Variants in DOCK10 observed in about 807,000 individuals in gnomAD.
DOCK10 encodes the protein dedicator of cytokinesis protein 10.
A neutral mutation model predicts 280.1 loss-of-function variants in DOCK10; 145 were observed. The ratio of observed to expected loss-of-function variants is 0.52; its 90% CI spans 0.45 to 0.59. The LOEUF (loss-of-function observed/expected upper bound fraction) is 0.59, where lower values mean the gene tolerates loss of function less well. DOCK10 is among the 20% of genes least tolerant of loss of function. The pLI is 0.00. For missense variants in DOCK10, 2,368 were observed against 2,651.7 expected, an observed-to-expected ratio of 0.89 and a Z score of 2.35; for synonymous variants, 915 against 942.2, an observed-to-expected ratio of 0.97 and a Z score of 0.53.
chr2:224,969,034 C>T (rs1704932113), intron 1 of DOCK10, among the ~76,000 whole-genome samples: 2 of 152,210 alleles, frequency 1.3e-5, no homozygotes, highest in Admixed American at 1.3e-4. Context: ...GGCACAGTGT[C>T]TTCTGCGGAA....
At chr2:225,024,003 C>T (rs762375517) in intron 1 of DOCK10, among the ~76,000 whole-genome samples, 12 of 152,166 alleles carry the variant, frequency 7.9e-5, no homozygotes, top group Non-Finnish European at 1.3e-4. Flanking sequence ...CCTCCTGATC[C>T]GATGTACTAA....
At chr2:224,908,192 G>GTGTGTC (rs1242417514) in intron 3 of DOCK10, among the ~76,000 whole-genome samples, 2 of 151,658 alleles carry the variant, frequency 1.3e-5, no homozygotes, top group East Asian at 3.9e-4. Context: ...GTATGTGTGT[G>GTGTGTC]TGTGTGTGTG....
chr2:224,774,034 C>A (rs1480162336), intron 52 of DOCK10, among the ~76,000 whole-genome samples: 1 of 152,094 alleles, frequency 6.6e-6, no homozygotes, highest in Non-Finnish European at 1.5e-5. Context: ...AAATATATAC[C>A]AAGTAGTATA....
chr2:224,790,169 G>A lies in DOCK10; in HGVS notation c.5312-999C>T, dbSNP rs567449494. 3.9e-5 allele frequency among the ~76,000 whole-genome samples: 6 copies of A among 152,352 alleles called. No homozygotes were observed. In the East Asian group the frequency reaches 9.6e-4, roughly 24 times the overall value. ...TAGGCACCAAGATTTTAAAAGGTCT[G>A]TCTCTACAGATACATGTGAAAACAG... On this transcript the variant is annotated intron_variant, in intron 47 of 55. Transcript: ENST00000258390.
At chr2:224,796,239 AT>A in intron 44 of DOCK10, 76 bp downstream of exon 44, 1 of 929,084 alleles carries the variant, frequency 1.1e-6, no homozygotes, top group Non-Finnish European at 1.7e-6. Flanking sequence ...TATTTTTATG[AT>A]TTTGATATCT....
At chr2:224,772,145 T>C (rs1223481418) in intron 53 of DOCK10, among the ~76,000 whole-genome samples, 1 of 152,058 alleles carries the variant, frequency 6.6e-6, no homozygotes, top group African/African-American at 2.4e-5. Context: ...GGTCTCGAAC[T>C]CTTGACTTCA....
Position 224,876,219 on chromosome 2 carries a change from A to T in DOCK10, c.750T>A (p.Asn250Lys). Residue 250 changes from asparagine to lysine, a missense_variant and splice_region_variant, in exon 8 of 56, where the codon AAT becomes AAA. Physicochemically the swap from Asn to Lys is moderately conservative, Grantham distance 94. This residue lies in a region of DOCK10 where 1,209 missense variants were observed against 1,250.9 expected (regional missense o/e 0.97). Coordinates refer to ENST00000258390, the MANE Select transcript of DOCK10 (RefSeq NM_014689.3). ...FLDSCTGVVQ[N>K]NRLRKYAFEL... is the part of the protein sequence containing the mutation. The stretch of plus-strand genomic sequence containing the variant: ...CAAAGGCATATTTTCTTAGTCTGTT[A>T]TTCTGTGGTATAAAAAGAAAGAAAG... 6.3e-7 allele frequency: 1 copy of T among 1,599,998 alleles called. No individual in the cohort carries two copies. Among genetic ancestry groups the T allele is most frequent in the Non-Finnish European group, 8.5e-7 (1 of 1,172,512 alleles).
intron 1 of DOCK10, among the ~76,000 whole-genome samples, chr2:224,975,898 C>T (rs1370267292): frequency 2.0e-5 from 3 of 152,068 alleles, no homozygotes; most frequent in Admixed American, 2.0e-4. Flanking sequence ...TTGATAACAC[C>T]CTCACTGGCC....
chr2:224,940,742 T>C (rs946071513), intron 1 of DOCK10, among the ~76,000 whole-genome samples: 2 of 152,192 alleles, frequency 1.3e-5, no homozygotes, highest in African/African-American at 4.8e-5. Context: ...AGACCCCGTT[T>C]ACCTTCAGTG....
At chr2:224,781,973 AT>A (rs1691374758) in intron 50 of DOCK10, among the ~76,000 whole-genome samples, 1 of 152,126 alleles carries the variant, frequency 6.6e-6, no homozygotes, top group South Asian at 2.1e-4. Context: ...AGAAGAATGT[AT>A]TTGAGGAGGA....
intron 1 of DOCK10, chr2:224,946,974 C>A: frequency 6.5e-7 from 1 of 1,530,654 alleles, no homozygotes; most frequent in African/African-American, 1.4e-5. Flanking sequence ...ATTTGAGTCA[C>A]AAAATATTTC....
intron 28 of DOCK10, among the ~76,000 whole-genome samples, 177 bp downstream of exon 28, chr2:224,823,324 A>G (rs13405571): frequency 0.32 from 47,173 of 149,656 alleles, 9,887 homozygotes; most frequent in African/African-American, 0.6. Flanking sequence ...CTTCAAATTG[A>G]AAAAAAAAAT....
chr2:224,778,257 C>G lies in DOCK10; in HGVS notation c.5683G>C (p.Glu1895Gln). 6.2e-7 allele frequency: 1 copy of G among 1,605,788 alleles called. No homozygotes were observed. The highest frequency in any genetic ancestry group is 8.5e-7 in the Non-Finnish European group (1 of 1,175,398). Reference sequence around the variant, plus strand: ...AGCTTAGGCTCTTTATAAATATACTCTTTACCTTCTTCTTCTTCAAAAAAG... The same window carrying G: ...AGCTTAGGCTCTTTATAAATATACTGTTTACCTTCTTCTTCTTCAAAAAAG... ...QGFFEEEEGK[E>Q]YIYKEPKLTG... is the part of the protein sequence containing the mutation. The change falls in exon 51 of 56, where the codon GAG (glutamate) becomes CAG (glutamine). Residue 1895 changes from glutamate to glutamine, a missense_variant. This residue lies in a region of DOCK10 where 1,159 missense variants were observed against 1,400.8 expected (regional missense o/e 0.83). Coordinates refer to ENST00000258390, the MANE Select transcript of DOCK10 (RefSeq NM_014689.3).
chr2:225,013,363 T>C (rs546981729), intron 1 of DOCK10, among the ~76,000 whole-genome samples: 27 of 152,248 alleles, frequency 1.8e-4, no homozygotes, highest in Middle Eastern at 6.8e-3. Context: ...CACTGGTGCT[T>C]GTATAGTTAA....
chr2:224,869,738 T>G (rs1171508241), intron 11 of DOCK10, among the ~76,000 whole-genome samples: 2 of 152,222 alleles, frequency 1.3e-5, no homozygotes, highest in Non-Finnish European at 2.9e-5. Flanking sequence ...TCTCTGTACT[T>G]GGCTGTGTTC....
At chr2:224,989,047 G>A (rs945204903) in intron 1 of DOCK10, among the ~76,000 whole-genome samples, 3 of 152,228 alleles carry the variant, frequency 2.0e-5, no homozygotes, top group Non-Finnish European at 2.9e-5. Flanking sequence ...CTCTGTGAGT[G>A]TGGACTTGGT....
At chr2:224,800,028 G>T in intron 41 of DOCK10, 123 bp downstream of exon 41, 1 of 548,412 alleles carries the variant, frequency 1.8e-6, no homozygotes, top group South Asian at 2.7e-5. Flanking sequence ...TCACACTTAG[G>T]TTGATTTATA....
chr2:224,972,681 TTA>T (rs1394662384), intron 1 of DOCK10, among the ~76,000 whole-genome samples: 1 of 152,208 alleles, frequency 6.6e-6, no homozygotes, highest in East Asian at 1.9e-4. Flanking sequence ...CGACTTTTCT[TTA>T]TGATTGTGGT....
At position 224,804,129 on chromosome 2, in the gene DOCK10, T is replaced by G; in HGVS notation, c.4251A>C (p.Ser1417=). The part of the protein sequence containing the change: ...LKGSNPSCQT[S]GLLSQWMHST... ...GACATTACCATTGTGACAAGAGACCTGATGTCTGGCAGGAAGGATTGGATC... is the reference window on the plus strand; with the variant it reads ...GACATTACCATTGTGACAAGAGACCGGATGTCTGGCAGGAAGGATTGGATC... The change falls in exon 39 of 56, where the codon TCA becomes TCC. Residue 1417 remains serine, a synonymous_variant. Transcript: ENST00000258390. The G allele has an allele frequency of 6.2e-7, 1 of 1,609,804 alleles. No homozygotes were observed. The highest frequency in any genetic ancestry group is 1.7e-4 in the Middle Eastern group (1 of 6,044).
Sources: gnomAD v4.1 joint callset for allele counts (sites outside exome capture counted in the v4.1 genomes callset) on GRCh38, gnomAD v4.1.1 for gene constraint, gnomAD v4.1.1 regional missense constraint, MANE v1.5 for transcripts, NCBI Gene and HGNC (gene_info 2026-07-23, HGNC 2026-07-21) for gene names.